The following LARGE1 variants were observed in gnomAD, a reference collection of about 807,000 sequenced individuals.
The protein encoded by LARGE1 is xylosyl- and glucuronyltransferase LARGE1.
LARGE1 carries 43 observed loss-of-function variants against 87.6 expected under a neutral mutation model. The ratio of observed to expected loss-of-function variants is 0.49; its 90% CI spans 0.38 to 0.63. LARGE1 has a LOEUF of 0.63. LARGE1 is among the 30% of genes least tolerant of loss of function. The pLI, the probability that LARGE1 is intolerant of heterozygous loss-of-function variation, is 0.00. For synonymous variants in LARGE1, 434 were observed against 394.6 expected, an observed-to-expected ratio of 1.10 and a Z score of -1.18; for missense variants, 802 against 1,000.2, an observed-to-expected ratio of 0.80 and a Z score of 2.67.
chr22:33,197,167 A>C (rs913244362), intron 11 of LARGE1, among the ~76,000 whole-genome samples: 1 of 150,142 alleles, frequency 6.7e-6, no homozygotes, highest in African/African-American at 2.5e-5. Flanking sequence ...AAGAGCTACA[A>C]AAATCCCACT....
At chr22:33,297,306 C>A (rs1350986537) in intron 12 of LARGE1, among the ~76,000 whole-genome samples, 5 of 152,126 alleles carry the variant, frequency 3.3e-5, no homozygotes, top group African/African-American at 4.8e-5. Context: ...CCCAGTGTGG[C>A]CTATTTGTCC....
intron 1 of LARGE1, among the ~76,000 whole-genome samples, chr22:33,895,378 A>G (rs986678518): frequency 2.6e-5 from 4 of 152,206 alleles, no homozygotes; most frequent in Admixed American, 6.5e-5. Context: ...GCTGTGTAAC[A>G]AACTGTCACA....
intron 10 of LARGE1, among the ~76,000 whole-genome samples, chr22:33,333,861 G>A (rs1478807139): frequency 6.6e-6 from 1 of 152,196 alleles, no homozygotes; most frequent in Non-Finnish European, 1.5e-5. Flanking sequence ...GCTCATGCCT[G>A]TAATCCCAGC....
At chr22:33,558,303 G>A (rs552893987) in intron 6 of LARGE1, among the ~76,000 whole-genome samples, 36 of 152,144 alleles carry the variant, frequency 2.4e-4, no homozygotes, top group Non-Finnish European at 4.9e-4. Flanking sequence ...GGGGGACACT[G>A]AGCTTCATTT....
chr22:33,267,455 A>T (rs1268677170), intron 11 of LARGE1, among the ~76,000 whole-genome samples: 1 of 151,678 alleles, frequency 6.6e-6, no homozygotes, highest in East Asian at 1.9e-4. Flanking sequence ...TTTCTGCTGA[A>T]TTAGACATGG....
At chr22:33,718,995 G>A (rs1314480921) in intron 2 of LARGE1, among the ~76,000 whole-genome samples, 5 of 151,978 alleles carry the variant, frequency 3.3e-5, no homozygotes, top group Non-Finnish European at 2.9e-5. Flanking sequence ...CACCATGTTG[G>A]CCAGGCTCAT....
chr22:33,467,430 G>A (rs542990099), intron 6 of LARGE1, among the ~76,000 whole-genome samples: 3 of 152,320 alleles, frequency 2.0e-5, no homozygotes, highest in African/African-American at 7.2e-5. Context: ...AATTCATTAA[G>A]AGGCAGAATC....
chr22:33,248,303 T>A (rs1168577773), intron 11 of LARGE1, among the ~76,000 whole-genome samples: 1 of 152,184 alleles, frequency 6.6e-6, no homozygotes, highest in African/African-American at 2.4e-5. Flanking sequence ...TTTTCCTGCC[T>A]CAGCCTCCTG....
intron 7 of LARGE1, among the ~76,000 whole-genome samples, chr22:33,387,022 T>C (rs1355956935): frequency 6.7e-6 from 1 of 148,358 alleles, no homozygotes; most frequent in Admixed American, 6.7e-5. Context: ...GAGAAGTGCT[T>C]GAATCCAGGA....
chr22:33,731,164 T>C (rs2083453930), intron 2 of LARGE1, among the ~76,000 whole-genome samples: 2 of 151,950 alleles, frequency 1.3e-5, no homozygotes, highest in Non-Finnish European at 1.5e-5. Flanking sequence ...CCACCATGCC[T>C]GGCTAATTTT....
At chr22:33,905,119 G>T (rs1359370591) in intron 1 of LARGE1, among the ~76,000 whole-genome samples, 1 of 139,638 alleles carries the variant, frequency 7.2e-6, no homozygotes, top group African/African-American at 2.7e-5. Context: ...AGACTGGAGT[G>T]CAATGGCGTG....
At chr22:33,130,654 G>C in the LARGE1 span, among the ~76,000 whole-genome samples, 1 of 152,124 alleles carries the variant, frequency 6.6e-6, no homozygotes, top group Admixed American at 6.5e-5. Flanking sequence ...GGTCAGGAGA[G>C]ATCAGAAAAG....
chr22:33,484,898 A>G (rs895945262), intron 6 of LARGE1, among the ~76,000 whole-genome samples: 2 of 151,642 alleles, frequency 1.3e-5, no homozygotes, highest in Admixed American at 1.3e-4. Context: ...CACCCAAAGT[A>G]AATAATGAGG....
chr22:33,502,944 A>G (rs2070548658), intron 6 of LARGE1, among the ~76,000 whole-genome samples: 1 of 152,138 alleles, frequency 6.6e-6, no homozygotes, highest in Admixed American at 6.5e-5. Context: ...ATCTCATTGA[A>G]TCCTCACATC....
chr22:33,445,208 C>G (rs1471278990), intron 6 of LARGE1, among the ~76,000 whole-genome samples: 1 of 152,164 alleles, frequency 6.6e-6, no homozygotes, highest in Non-Finnish European at 1.5e-5. Context: ...TAATCACCTC[C>G]TTCAAGGTCC....
intron 5 of LARGE1, among the ~76,000 whole-genome samples, chr22:33,603,932 T>C (rs1188071823): frequency 6.6e-6 from 1 of 152,222 alleles, no homozygotes; most frequent in East Asian, 1.9e-4. Context: ...TTAAAGCACA[T>C]TCAAATATAT....
chr22:33,532,015 A>AT (rs1383560212), intron 6 of LARGE1, among the ~76,000 whole-genome samples: 4 of 152,164 alleles, frequency 2.6e-5, no homozygotes, highest in Non-Finnish European at 5.9e-5. Flanking sequence ...GTTTTAGTAC[A>AT]TTTTTGCAAT....
intron 2 of LARGE1, among the ~76,000 whole-genome samples, chr22:33,685,583 T>C (rs1332153346): frequency 6.6e-6 from 1 of 152,200 alleles, no homozygotes; most frequent in African/African-American, 2.4e-5. Flanking sequence ...ATCCTAGGCA[T>C]GAGACTCAAG....
At position 33,463,526 on chromosome 22, in the gene LARGE1, C is replaced by G. The variant is rs540675696; in HGVS notation, c.788-31261G>C. 5.3e-5 allele frequency among the ~76,000 whole-genome samples: 8 copies of G among 152,240 alleles called. No homozygotes were observed. In the South Asian group the frequency reaches 1.7e-3, roughly 32 times the overall value. On this transcript the variant is annotated intron_variant, in intron 6 of 14. Coordinates refer to ENST00000397394, the MANE Select transcript of LARGE1 (RefSeq NM_133642.5). ...TCATTATCACACATACAACAATTCTCATCAAATTAATTTATAGATAGAAAT... is the reference window on the plus strand; with the variant it reads ...TCATTATCACACATACAACAATTCTGATCAAATTAATTTATAGATAGAAAT...
Sources: gnomAD v4.1 joint callset for allele counts (sites outside exome capture counted in the v4.1 genomes callset) on GRCh38, gnomAD v4.1.1 for gene constraint, MANE v1.5 for transcripts, NCBI Gene and HGNC (gene_info 2026-07-23, HGNC 2026-07-21) for gene names.